CNTN5: variants seen among roughly 807,000 people sequenced by gnomAD.
The protein encoded by CNTN5 is contactin-5.
A neutral mutation model predicts 129.1 loss-of-function variants in CNTN5; 77 were observed. The ratio of observed to expected loss-of-function variants is 0.60; its 90% CI spans 0.50 to 0.72. The LOEUF (loss-of-function observed/expected upper bound fraction) is 0.72. Ranked by LOEUF, CNTN5 falls within the 30% of genes least tolerant of loss-of-function variation. The pLI is 0.00. For missense variants in CNTN5, 1,478 were observed against 1,328.8 expected, an observed-to-expected ratio of 1.11 and a Z score of -1.75; for synonymous variants, 509 against 465.6, an observed-to-expected ratio of 1.09 and a Z score of -1.20.
intron 2 of CNTN5, among the ~76,000 whole-genome samples, chr11:99,342,663 A>G (rs1359173520): frequency 6.7e-6 from 1 of 148,594 alleles, no homozygotes; most frequent in Non-Finnish European, 1.5e-5. Flanking sequence ...GCAGGATCCC[A>G]GGAGATGGAG....
At chr11:99,169,962 T>C (rs1167344611) in intron 1 of CNTN5, among the ~76,000 whole-genome samples, 2 of 152,158 alleles carry the variant, frequency 1.3e-5, no homozygotes, top group Non-Finnish European at 2.9e-5. Context: ...GTATAATGTA[T>C]AACGAAAATT....
intron 16 of CNTN5, among the ~76,000 whole-genome samples, chr11:100,242,183 T>G (rs754195297): frequency 1.3e-5 from 2 of 152,186 alleles, no homozygotes; most frequent in African/African-American, 2.4e-5. Context: ...CCATACTCAT[T>G]AACACTTACA....
chr11:99,697,851 C>A (rs995535193), intron 3 of CNTN5, among the ~76,000 whole-genome samples: 1 of 151,544 alleles, frequency 6.6e-6, no homozygotes, highest in African/African-American at 2.4e-5. Context: ...AACTAAACAG[C>A]CAGTCATATG....
At chr11:99,345,484 A>T (rs1565508097) in intron 2 of CNTN5, among the ~76,000 whole-genome samples, 1 of 152,198 alleles carries the variant, frequency 6.6e-6, no homozygotes, top group Admixed American at 6.5e-5. Context: ...GTGGATTGAA[A>T]CATTTTTCTC....
intron 20 of CNTN5, among the ~76,000 whole-genome samples, chr11:100,306,276 A>C (rs1045291595): frequency 1.1e-4 from 16 of 151,624 alleles, no homozygotes; most frequent in Middle Eastern, 3.2e-3. Context: ...TATTTACTTT[A>C]ACATTTTTTT....
intron 6 of CNTN5, among the ~76,000 whole-genome samples, chr11:99,899,039 G>A (rs1052557340): frequency 3.3e-5 from 5 of 152,036 alleles, no homozygotes; most frequent in East Asian, 1.9e-4. Flanking sequence ...CATTATTAGC[G>A]TATGGAAGTG....
intron 8 of CNTN5, among the ~76,000 whole-genome samples, chr11:99,960,359 T>TC (rs1950909791): frequency 6.7e-6 from 1 of 149,060 alleles, no homozygotes; most frequent in African/African-American, 2.6e-5. Context: ...TACTTTTATG[T>TC]TTTTTTTCTT....
intron 2 of CNTN5, among the ~76,000 whole-genome samples, chr11:99,445,073 C>T (rs982318170): frequency 8.8e-4 from 130 of 147,734 alleles, no homozygotes; most frequent in African/African-American, 2.9e-3. Flanking sequence ...TTTATATATA[C>T]ACAATTATAT....
chr11:99,086,995 G>C (rs1322504449), intron 1 of CNTN5, among the ~76,000 whole-genome samples: 1 of 152,162 alleles, frequency 6.6e-6, no homozygotes, highest in South Asian at 2.1e-4. Context: ...GAGAAGTTCA[G>C]TAAACTGACC....
At chr11:99,834,498 G>A (rs1250465120) in intron 4 of CNTN5, among the ~76,000 whole-genome samples, 3 of 152,028 alleles carry the variant, frequency 2.0e-5, no homozygotes, top group African/African-American at 4.8e-5. Flanking sequence ...CCTGGATGAC[G>A]GAGCAAGACC....
chr11:99,159,892 C>T (rs990414985), intron 1 of CNTN5, among the ~76,000 whole-genome samples: 1 of 152,070 alleles, frequency 6.6e-6, no homozygotes, highest in African/African-American at 2.4e-5. Flanking sequence ...ATAATAATCT[C>T]AACACAAGAA....
chr11:99,164,841 T>A (rs1336247976), intron 1 of CNTN5, among the ~76,000 whole-genome samples: 1 of 152,198 alleles, frequency 6.6e-6, no homozygotes, highest in East Asian at 1.9e-4. Context: ...TTGGTACACA[T>A]GTTGTGTATT....
At chr11:99,480,295 T>C (rs1945541668) in intron 2 of CNTN5, among the ~76,000 whole-genome samples, 1 of 152,152 alleles carries the variant, frequency 6.6e-6, no homozygotes, top group Middle Eastern at 3.2e-3. Flanking sequence ...CTTTCTCTCC[T>C]GTGGAACTGC....
intron 6 of CNTN5, among the ~76,000 whole-genome samples, chr11:99,868,399 T>A (rs1339880270): frequency 6.6e-6 from 1 of 152,166 alleles, no homozygotes; most frequent in Non-Finnish European, 1.5e-5. Context: ...TTGTTTTAAT[T>A]TTCAAAACAA....
At chr11:100,170,900 A>T (rs903059036) in intron 13 of CNTN5, among the ~76,000 whole-genome samples, 1 of 151,718 alleles carries the variant, frequency 6.6e-6, no homozygotes, top group Non-Finnish European at 1.5e-5. Flanking sequence ...AAAACAAAAA[A>T]AAAACTTTTT....
At position 99,430,998 on chromosome 11, in the gene CNTN5, GTT is replaced by G. The variant is rs11292397; in HGVS notation, c.-71+105528_-71+105529del. On this transcript the variant is annotated intron_variant, in intron 2 of 24. Coordinates refer to ENST00000524871, the MANE Select transcript of CNTN5 (RefSeq NM_014361.4). ...AATTTTTGGATCCTTTTTCCTGGCTGTTTTTTTTTTTTTTTCCTCTCATTTCT... is the reference window on the plus strand; with the variant it reads ...AATTTTTGGATCCTTTTTCCTGGCTGTTTTTTTTTTTTTCCTCTCATTTCT... Among the ~76,000 whole-genome samples, 282 of 139,456 alleles carry G rather than the reference GTT, an allele frequency of 2.0e-3. 2 individuals are homozygous for G. The highest frequency in any genetic ancestry group is 5.6e-3 in the African/African-American group (212 of 37,814). The allele number at this position is 139,456 out of a possible 152,430, so 91.5% of individuals were successfully genotyped here.
In CNTN5 at chr11:100,271,148, T is replaced by A. The variant is rs754827602; in HGVS notation, c.2221T>A (p.Trp741Arg). 5.0e-6 allele frequency: 8 copies of A among 1,613,082 alleles called. No homozygotes were observed. The highest frequency in any genetic ancestry group is 6.8e-6 in the Non-Finnish European group (8 of 1,179,522). Reference sequence around the variant, plus strand: ...AGCCATGGCTGTGGACCTAAATCCCTGGGTGGAATATGAATTTCGAGTGGT... The same window carrying A: ...AGCCATGGCTGTGGACCTAAATCCCAGGGTGGAATATGAATTTCGAGTGGT... ...ESAMAVDLNP[W>R]VEYEFRVVAT... The change falls in exon 18 of 25, where the codon TGG (tryptophan) becomes AGG (arginine). Residue 741 changes from tryptophan to arginine, a missense_variant. Physicochemically the swap from Trp to Arg is moderately radical, Grantham distance 101 (BLOSUM62 -3). Coordinates refer to ENST00000524871, the MANE Select transcript of CNTN5 (RefSeq NM_014361.4).
intron 1 of CNTN5, among the ~76,000 whole-genome samples, chr11:99,054,227 C>A (rs1864540187): frequency 6.6e-6 from 1 of 151,776 alleles, no homozygotes; most frequent in Non-Finnish European, 1.5e-5. Flanking sequence ...CTGTTCATGA[C>A]AAACCTGGTA....
At chr11:100,310,003 C>T (rs190536940) in intron 21 of CNTN5, among the ~76,000 whole-genome samples, 8 of 152,008 alleles carry the variant, frequency 5.3e-5, no homozygotes, top group African/African-American at 1.7e-4. Flanking sequence ...AGCCTTGCTG[C>T]GTGCATCAGG....
Sources: allele counts gnomAD v4.1 joint callset (sites outside exome capture counted in the v4.1 genomes callset), GRCh38; gene constraint gnomAD v4.1.1; transcripts MANE v1.5; gene names NCBI Gene and HGNC (gene_info 2026-07-23, HGNC 2026-07-21).